The following CLK2 variants were observed in gnomAD, a reference collection of about 807,000 sequenced individuals.
CLK2 encodes the protein CDC like kinase 2.
Under a neutral mutation model 73.5 loss-of-function variants are expected in CLK2, and 12 were observed. That is an observed-to-expected ratio of 0.16 (90% CI 0.10 to 0.26). The LOEUF (loss-of-function observed/expected upper bound fraction) is 0.26. CLK2 is among the 10% of genes least tolerant of loss of function. CLK2 has a pLI of 1.00. For synonymous variants in CLK2, 232 were observed against 237.9 expected (o/e 0.98, Z 0.23); for missense variants, 509 against 688.4 (o/e 0.74, Z 2.92).
At chr1:155,270,450 A>G (rs1034627391) in intron 2 of CLK2, among the ~76,000 whole-genome samples, 3 of 152,218 alleles carry the variant, frequency 2.0e-5, no homozygotes, top group African/African-American at 7.2e-5. Flanking sequence ...CTGTTAGCTT[A>G]TTAGTTACCT....
intron 12 of CLK2, 118 bp downstream of exon 12, chr1:155,263,832 G>C (rs1275674428): frequency 7.2e-7 from 1 of 1,381,442 alleles, no homozygotes; most frequent in South Asian, 1.3e-5. Flanking sequence ...TCTTCTTTCA[G>C]CTTTCCTCCC....
At chr1:155,263,884 G>T in intron 12 of CLK2, 66 bp downstream of exon 12, 1 of 1,508,302 alleles carries the variant, frequency 6.6e-7, no homozygotes, top group Non-Finnish European at 9.2e-7. Context: ...ATTCCAGGGG[G>T]CAAACCACCC....
rs1673045707 is a variant in CLK2, at chr1:155,263,053, G to C, written c.*165C>G. The C allele has an allele frequency of 3.0e-6, 2 of 665,618 alleles. No homozygotes were observed. The highest frequency in any genetic ancestry group is 2.2e-5 in the South Asian group (1 of 46,222). 41.2% of individuals were successfully genotyped at this position (665,618 alleles called of 1,614,324 possible). On this transcript the variant is annotated 3_prime_UTR_variant, in exon 13 of 13. Coordinates refer to ENST00000368361, the MANE Select transcript of CLK2 (RefSeq NM_001294338.2). ...GTACAAGGCAGGGGTTGAAGTGATA[G>C]GTACAAGTTCTTTCATATTTACACT...
intron 2 of CLK2, among the ~76,000 whole-genome samples, chr1:155,270,489 C>T (rs1157760003): frequency 6.6e-6 from 1 of 152,208 alleles, no homozygotes; most frequent in Non-Finnish European, 1.5e-5. Context: ...CACATGCTTT[C>T]CCTCTGCCCA....
Position 155,268,860 on chromosome 1 carries a change from G to GT in CLK2, c.400-66dup. The GT allele has an allele frequency of 1.1e-6, 1 of 947,690 alleles. No individual in the cohort carries two copies. The allele number at this position is 947,690 out of a possible 1,614,324, so 58.7% of individuals were successfully genotyped here. On this transcript the variant is annotated intron_variant, in intron 3 of 12. Transcript: ENST00000368361. This position sits in a 1 kb window ranked among gnomAD's most constrained non-coding sequence, Gnocchi z 5.6. Reference sequence around the variant, plus strand: ...GGAGCGGGGGCCGGAGGGAGGCGGGGTGGGTGGTAGAGGGGTCACCGGTCA... The same window carrying GT: ...GGAGCGGGGGCCGGAGGGAGGCGGGGTTGGGTGGTAGAGGGGTCACCGGTCA...
Position 155,264,483 on chromosome 1 carries a change from T to C in CLK2, c.1131A>G (p.Gly377=). 5 of 1,614,058 alleles carry C rather than the reference T, an allele frequency of 3.1e-6. No individual in the cohort carries two copies. The highest frequency in any genetic ancestry group is 4.2e-6 in the Non-Finnish European group (5 of 1,179,996). ...CATCACTTACCTGGAAGAGGGTGAA[T>C]CCCACATAGTATTCAAAGATGATGC... ...IGCIIFEYYV[G]FTLFQTHDNR... is the part of the protein sequence containing the mutation. The change falls in exon 10 of 13, where the codon GGA becomes GGG. Residue 377 remains glycine (G), a synonymous_variant. Coordinates refer to ENST00000368361, the MANE Select transcript of CLK2 (RefSeq NM_001294338.2).
chr1:155,263,562 G>A, intron 12 of CLK2, 162 bp from the exon 13 acceptor site: 2 of 985,334 alleles, frequency 2.0e-6, no homozygotes, highest in African/African-American at 1.7e-5. Flanking sequence ...TGATATTATA[G>A]CTCAACCTAC....
In CLK2 at chr1:155,268,468, G is replaced by C; in HGVS notation, c.488-109C>G. 1 of 894,378 alleles carries C rather than the reference G, an allele frequency of 1.1e-6. No individual in the cohort carries two copies. The highest frequency in any genetic ancestry group is 1.8e-6 in the Non-Finnish European group (1 of 543,022). The allele number at this position is 894,378 out of a possible 1,614,324, so 55.4% of individuals were successfully genotyped here. A position where few individuals can be genotyped will look rare whatever the true frequency, so the allele number is the denominator to read the frequency against. On this transcript the variant is annotated intron_variant, in intron 4 of 12. Coordinates refer to ENST00000368361, the MANE Select transcript of CLK2 (RefSeq NM_001294338.2). This position sits in a 1 kb window ranked among gnomAD's most constrained non-coding sequence, Gnocchi z 5.6. ...AACCTGGGGTGGAGATGAAGGAAGG[G>C]GAACAGATACAGATGGTCACAGGGG...
In CLK2 at chr1:155,270,937, C is replaced by A; in HGVS notation, c.41G>T (p.Ser14Ile). Reference protein sequence around the residue: ...PRRYHSSERGSRGSYREHYRS... With the variant: ...PRRYHSSERGIRGSYREHYRS... ...ATAGTGTTCACGGTAACTCCCCCGG[C>A]TGCCTCGCTCTGAGGAGTGGTACCT... is the stretch of plus-strand genomic sequence containing the variant. The change falls in exon 2 of 13, where the codon AGC becomes ATC. Residue 14 changes from serine to isoleucine, a missense_variant. Physicochemically the swap from Ser to Ile is moderately radical, Grantham distance 142. This residue lies in a region of CLK2 where 222 missense variants were observed against 221.7 expected (regional missense o/e 1.00). Coordinates refer to ENST00000368361, the MANE Select transcript of CLK2 (RefSeq NM_001294338.2). The A allele has an allele frequency of 6.2e-7, 1 of 1,614,154 alleles. No homozygotes were observed. The highest frequency in any genetic ancestry group is 8.5e-7 in the Non-Finnish European group (1 of 1,179,998).
rs573577351 is a variant in CLK2, at chr1:155,263,090, T to G, written c.*128A>C. ...TTCATATTTACACTATTTCACATAT[T>G]CACAGGTATATAGAGAGCCAGGAGG... is the stretch of plus-strand genomic sequence containing the variant. On this transcript the variant is annotated 3_prime_UTR_variant, in exon 13 of 13. Transcript: ENST00000368361. 5.9e-5 allele frequency: 49 copies of G among 832,502 alleles called. No homozygotes were observed. Among genetic ancestry groups the G allele is most frequent in the Non-Finnish European group, 8.2e-5 (45 of 549,728 alleles). 51.6% of individuals were successfully genotyped at this position (832,502 alleles called of 1,614,324 possible). A position where few individuals can be genotyped will look rare whatever the true frequency, so the allele number is the denominator to read the frequency against.
Position 155,263,164 on chromosome 1 carries a change from C to T in CLK2, c.*54G>A. 1 of 1,550,360 alleles carries T rather than the reference C, an allele frequency of 6.5e-7. No homozygotes were observed. Among genetic ancestry groups the T allele is most frequent in the Non-Finnish European group, 8.7e-7 (1 of 1,147,758 alleles). On this transcript the variant is annotated 3_prime_UTR_variant, in exon 13 of 13. Coordinates refer to ENST00000368361, the MANE Select transcript of CLK2 (RefSeq NM_001294338.2). ...TCTTGTATAAAAAAGCACCAGTGTC[C>T]TGGACTGGACACCCACTGCTATAAA...
In CLK2 at chr1:155,268,640, T is replaced by G; in HGVS notation, c.487+68A>C. On this transcript the variant is annotated intron_variant, in intron 4 of 12. Coordinates refer to ENST00000368361, the MANE Select transcript of CLK2 (RefSeq NM_001294338.2). The surrounding 1 kb of genome is among the most constrained non-coding windows in gnomAD (Gnocchi z 5.6). Reference sequence around the variant, plus strand: ...AAAGGCAAGAGGCTGTGACTCAGGTTGGCTTGGGACGTTAGGATGGCTATG... The same window carrying G: ...AAAGGCAAGAGGCTGTGACTCAGGTGGGCTTGGGACGTTAGGATGGCTATG... 7.1e-7 allele frequency: 1 copy of G among 1,418,326 alleles called. No individual in the cohort carries two copies. Among genetic ancestry groups the G allele is most frequent in the Non-Finnish European group, 1.0e-6 (1 of 1,001,950 alleles). The allele number at this position is 1,418,326 out of a possible 1,614,324, so 87.9% of individuals were successfully genotyped here. A position where few individuals can be genotyped will look rare whatever the true frequency, so the allele number is the denominator to read the frequency against.
At chr1:155,270,766 G>A (rs1673455311) in intron 2 of CLK2, 42 bp downstream of exon 2, 2 of 1,575,498 alleles carry the variant, frequency 1.3e-6, no homozygotes, top group Non-Finnish European at 1.7e-6. Context: ...AAAGGAATGA[G>A]CGAGTGACCC....
Position 155,263,952 on chromosome 1 carries a change from G to T in CLK2, c.1315C>A (p.Arg439=). 1 of 1,613,588 alleles carries T rather than the reference G, an allele frequency of 6.2e-7. No individual in the cohort carries two copies. Among genetic ancestry groups the T allele is most frequent in the South Asian group, 1.1e-5 (1 of 91,070 alleles). The change falls in exon 12 of 13, where the codon CGG becomes AGG. Residue 439 remains arginine, a splice_region_variant and synonymous_variant. Transcript: ENST00000368361. ...TATTTATCCCGAGCCCAGCTCACCC[G>T]CAGCGGTTTGCAGTTCTCACGAACA... ...RYVRENCKPL[R]RYLTSEAEEH...
chr1:155,269,213 G>C, intron 3 of CLK2: 1 of 591,796 alleles, frequency 1.7e-6, no homozygotes. Flanking sequence ...TTAAAGAGTG[G>C]AGGCCGCTGG....
chr1:155,266,667 G>A (rs1399847564), intron 7 of CLK2, 62 bp downstream of exon 7: 23 of 1,559,618 alleles, frequency 1.5e-5, no homozygotes, highest in Non-Finnish European at 1.8e-5. Flanking sequence ...GTGCACAACC[G>A]ACAGAGAGAT....
chr1:155,267,019 T>C (rs1673262389), intron 6 of CLK2, 124 bp from the exon 7 acceptor site: 2 of 1,044,764 alleles, frequency 1.9e-6, no homozygotes, highest in African/African-American at 3.3e-5. Flanking sequence ...TGCCAGCTAG[T>C]ACTAACACCA....
intron 3 of CLK2, chr1:155,269,233 G>A: frequency 1.7e-6 from 1 of 596,354 alleles, no homozygotes; most frequent in African/African-American, 1.9e-5. Flanking sequence ...GGGCGGAGAA[G>A]CTGCTCCCAA....
rs957665622 is a variant in CLK2 at position 155,273,286 on chromosome 1, G to A, written c.-86C>T. On this transcript the variant is annotated 5_prime_UTR_variant, in exon 1 of 13. Coordinates refer to ENST00000368361, the MANE Select transcript of CLK2 (RefSeq NM_001294338.2). ...GCGGCCGGAGTCCCGGCACCCCCGC[G>A]GCGACGAAATGCTGCTCCACCCCCC... 3 of 152,200 alleles carry A rather than the reference G, an allele frequency of 2.0e-5. No homozygotes were observed. Among genetic ancestry groups the A allele is most frequent in the African/African-American group, 4.8e-5 (2 of 41,384 alleles). 9.4% of individuals were successfully genotyped at this position (152,200 alleles called of 1,614,324 possible).
Sources: allele counts gnomAD v4.1 joint callset (sites outside exome capture counted in the v4.1 genomes callset), GRCh38; gene constraint gnomAD v4.1.1; regional missense constraint gnomAD v4.1.1; non-coding constraint Gnocchi (gnomAD v3.1); transcripts MANE v1.5; gene names NCBI Gene and HGNC (gene_info 2026-07-23, HGNC 2026-07-21).